WDPCP: variants seen among roughly 807,000 people sequenced by gnomAD.
WDPCP encodes the protein WD repeat-containing and planar cell polarity effector protein fritz homolog.
A neutral mutation model predicts 93.1 loss-of-function variants in WDPCP; 71 were observed. The observed-to-expected ratio is 0.76, with a 90% CI of 0.63 to 0.93. The LOEUF is 0.93. Among genes scored for constraint, WDPCP ranks in the 40% least tolerant of loss-of-function variants. WDPCP has a pLI of 0.00. For synonymous variants in WDPCP, 315 were observed against 315.0 expected, an observed-to-expected ratio of 1.00 and a Z score of 0.00; for missense variants, 844 against 887.4, an observed-to-expected ratio of 0.95 and a Z score of 0.62.
At chr2:63,262,612 A>T (rs1681742778) in intron 13 of WDPCP, among the ~76,000 whole-genome samples, 1 of 151,564 alleles carries the variant, frequency 6.6e-6, no homozygotes. Context: ...TTGTGGTACT[A>T]TTATGAGTAC....
chr2:63,154,034 T>A (rs1672064642), intron 15 of WDPCP, among the ~76,000 whole-genome samples: 2 of 151,882 alleles, frequency 1.3e-5, no homozygotes, highest in South Asian at 2.1e-4. Context: ...TATCCAGAGT[T>A]GTTCTCTGGA....
In WDPCP at chr2:63,128,730, G is replaced by A. The variant is rs182880226; in HGVS notation, c.2191-6674C>T. On this transcript the variant is annotated intron_variant, in intron 17 of 17. Coordinates refer to ENST00000272321, the MANE Select transcript of WDPCP (RefSeq NM_015910.7). ...GTTGCCCAGGCCGGAGTGCAGTGGC[G>A]CAATCTTGACTCACCACAACCTCCG... Among the ~76,000 whole-genome samples the A allele has an allele frequency of 3.4e-3, 511 of 152,260 alleles. 3 individuals carry two copies. The highest frequency in any genetic ancestry group is 0.012 in the African/African-American group (488 of 41,540).
chr2:63,802,767 T>G (rs1341085552), intron 2 of WDPCP, among the ~76,000 whole-genome samples: 1 of 152,218 alleles, frequency 6.6e-6, no homozygotes, highest in East Asian at 1.9e-4. Context: ...ATGTATTATG[T>G]TTCTTCCAGC....
chr2:63,608,541 T>C (rs1180255958), intron 3 of WDPCP, among the ~76,000 whole-genome samples: 2 of 152,132 alleles, frequency 1.3e-5, no homozygotes, highest in African/African-American at 2.4e-5. Flanking sequence ...TATTTGTTGG[T>C]TGGACTTATT....
chr2:63,179,247 GA>G (rs1185985944), intron 14 of WDPCP, among the ~76,000 whole-genome samples: 1 of 151,236 alleles, frequency 6.6e-6, no homozygotes, highest in Non-Finnish European at 1.5e-5. Context: ...AATTTATAAA[GA>G]AAAGGGGTTT....
intron 2 of WDPCP, among the ~76,000 whole-genome samples, chr2:63,701,614 GATGA>G (rs1669050028): frequency 6.6e-6 from 1 of 152,150 alleles, no homozygotes; most frequent in African/African-American, 2.4e-5. Flanking sequence ...CCCATTAATG[GATGA>G]ATGGATAAAG....
intron 2 of WDPCP, among the ~76,000 whole-genome samples, chr2:63,809,303 C>A (rs969055030): frequency 6.8e-6 from 1 of 147,462 alleles, no homozygotes; most frequent in Non-Finnish European, 1.5e-5. Flanking sequence ...GTTCAGCCCC[C>A]CGCCCAGCCA....
intron 3 of WDPCP, among the ~76,000 whole-genome samples, chr2:63,602,568 G>A (rs890543093): frequency 1.4e-4 from 21 of 151,820 alleles, no homozygotes; most frequent in African/African-American, 4.8e-4. Context: ...TTTTTTCTGT[G>A]TCTTTATGAA....
At chr2:63,172,007 C>T (rs1204218007) in intron 15 of WDPCP, among the ~76,000 whole-genome samples, 1 of 152,118 alleles carries the variant, frequency 6.6e-6, no homozygotes, top group Non-Finnish European at 1.5e-5. Flanking sequence ...TCTCTAGAGA[C>T]AGAAAGCAGA....
At chr2:63,196,437 AC>A (rs1427504318) in intron 14 of WDPCP, among the ~76,000 whole-genome samples, 1 of 152,232 alleles carries the variant, frequency 6.6e-6, no homozygotes, top group African/African-American at 2.4e-5. Context: ...TTTTGAAAAT[AC>A]AGCTTTCATG....
At chr2:63,243,136 G>T (rs1382382408) in intron 14 of WDPCP, among the ~76,000 whole-genome samples, 1 of 152,080 alleles carries the variant, frequency 6.6e-6, no homozygotes, top group East Asian at 1.9e-4. Context: ...TGACTTCTCA[G>T]GCTTATGCTA....
At chr2:63,516,481 T>C (rs1702557319) in intron 1 of WDPCP, among the ~76,000 whole-genome samples, 1 of 152,206 alleles carries the variant, frequency 6.6e-6, no homozygotes, top group Non-Finnish European at 1.5e-5. Flanking sequence ...AGAGCCTTCA[T>C]TCACACACAC....
chr2:63,462,982 T>C (rs1699119059), intron 6 of WDPCP, among the ~76,000 whole-genome samples: 2 of 152,068 alleles, frequency 1.3e-5, no homozygotes, highest in African/African-American at 2.4e-5. Context: ...GGGGAGAGGT[T>C]TGAGCTCTAG....
chr2:63,445,214 A>T lies in WDPCP; in HGVS notation c.385-5343T>A, dbSNP rs925104240. Among the ~76,000 whole-genome samples, 11 of 151,810 alleles carry T rather than the reference A, an allele frequency of 7.2e-5. No homozygotes were observed. In the South Asian group the frequency reaches 8.3e-4, roughly 11 times the overall value. ...ACAAAAGTAAATATAGTTAAGAATT[A>T]AAAAAAAATTAGTTGATTTACTACA... On this transcript the variant is annotated intron_variant, in intron 6 of 17. Transcript: ENST00000272321.
At chr2:63,330,145 A>G (rs979259341) in intron 12 of WDPCP, among the ~76,000 whole-genome samples, 1 of 152,056 alleles carries the variant, frequency 6.6e-6, no homozygotes. Context: ...TTTGTTTTTA[A>G]TATTTTGAGA....
intron 1 of WDPCP, among the ~76,000 whole-genome samples, chr2:63,545,018 TA>T (rs1318522348): frequency 6.6e-6 from 1 of 152,116 alleles, no homozygotes; most frequent in African/African-American, 2.4e-5. Flanking sequence ...ATTCATAAAG[TA>T]AGCTGGAGGG....
chr2:63,137,797 T>G (rs915774081), intron 17 of WDPCP, among the ~76,000 whole-genome samples: 2 of 152,172 alleles, frequency 1.3e-5, no homozygotes, highest in Non-Finnish European at 2.9e-5. Context: ...CCCAGCACCA[T>G]TTATTGAATA....
chr2:63,275,657 A>G (rs1683024760), intron 13 of WDPCP, among the ~76,000 whole-genome samples: 1 of 152,218 alleles, frequency 6.6e-6, no homozygotes, highest in Non-Finnish European at 1.5e-5. Context: ...ACAAAAAAAT[A>G]CACAAGAAAT....
At chr2:63,439,261 T>C (rs1404475319) in intron 7 of WDPCP, among the ~76,000 whole-genome samples, 2 of 152,156 alleles carry the variant, frequency 1.3e-5, no homozygotes, top group Admixed American at 1.3e-4. Context: ...TAATAGGACC[T>C]GACTGTCCAG....
Sources: allele counts gnomAD v4.1 joint callset (sites outside exome capture counted in the v4.1 genomes callset), GRCh38; gene constraint gnomAD v4.1.1; transcripts MANE v1.5; gene names NCBI Gene and HGNC (gene_info 2026-07-23, HGNC 2026-07-21).